TAFA4: variants seen among roughly 807,000 people sequenced by gnomAD.
TAFA4 encodes chemokine-like protein TAFA-4.
A neutral mutation model predicts 21.1 loss-of-function variants in TAFA4; 20 were observed. The observed-to-expected ratio is 0.95, with a 90% CI of 0.67 to 1.38. TAFA4 has a LOEUF of 1.38. Ranked by LOEUF, TAFA4 falls within the 40% of genes most tolerant of loss-of-function variation. The pLI, the probability that TAFA4 is intolerant of heterozygous loss-of-function variation, is 0.00. For missense variants in TAFA4, 211 were observed against 180.9 expected, an observed-to-expected ratio of 1.17 and a Z score of -0.95; for synonymous variants, 71 against 67.4, an observed-to-expected ratio of 1.05 and a Z score of -0.26.
chr3:68,776,718 C>T (rs976037299), intron 3 of TAFA4, among the ~76,000 whole-genome samples: 29 of 152,070 alleles, frequency 1.9e-4, no homozygotes, highest in South Asian at 8.3e-4. Flanking sequence ...ATTTTCAGCA[C>T]GTGTTAAGTT....
At chr3:68,819,615 C>A (rs557454361) in intron 3 of TAFA4, among the ~76,000 whole-genome samples, 1 of 152,234 alleles carries the variant, frequency 6.6e-6, no homozygotes, top group East Asian at 1.9e-4. Flanking sequence ...GTAAGAAAAC[C>A]TATAAGCCTG....
intron 5 of TAFA4, 28 bp from the exon 6 acceptor site, chr3:68,733,181 T>C: frequency 6.2e-7 from 1 of 1,612,632 alleles, no homozygotes; most frequent in Non-Finnish European, 8.5e-7. Context: ...AAGGGAACAT[T>C]CAACACTCTA....
intron 3 of TAFA4, among the ~76,000 whole-genome samples, chr3:68,805,874 G>A (rs1330503716): frequency 6.6e-6 from 1 of 152,024 alleles, no homozygotes; most frequent in Non-Finnish European, 1.5e-5. Context: ...GTTAATGGGT[G>A]CAGCATACCA....
At chr3:68,907,221 A>G (rs2089910498) in intron 1 of TAFA4, among the ~76,000 whole-genome samples, 1 of 152,130 alleles carries the variant, frequency 6.6e-6, no homozygotes, top group Admixed American at 6.5e-5. Context: ...CTCTGCTAAT[A>G]TCCAAAGTAG....
At chr3:68,861,238 C>A (rs905523942) in intron 3 of TAFA4, among the ~76,000 whole-genome samples, 1 of 151,742 alleles carries the variant, frequency 6.6e-6, no homozygotes, top group Non-Finnish European at 1.5e-5. Flanking sequence ...AAGTTACCTG[C>A]GATGAGGGTT....
At chr3:68,733,983 T>C (rs762752193) in intron 5 of TAFA4, among the ~76,000 whole-genome samples, 8 of 151,962 alleles carry the variant, frequency 5.3e-5, no homozygotes, top group Non-Finnish European at 1.0e-4. Context: ...GCTTACCTTC[T>C]AGTGCAGGGA....
chr3:68,900,406 C>T (rs1373389056), intron 1 of TAFA4, among the ~76,000 whole-genome samples: 2 of 151,900 alleles, frequency 1.3e-5, no homozygotes, highest in African/African-American at 2.4e-5. Flanking sequence ...CAGCTTTTTC[C>T]AGCCTTCCTG....
At chr3:68,862,724 T>C (rs752363094) in intron 3 of TAFA4, among the ~76,000 whole-genome samples, 3 of 152,010 alleles carry the variant, frequency 2.0e-5, no homozygotes, top group Admixed American at 1.3e-4. Flanking sequence ...TTAAACCCCC[T>C]TGGGCTGGTA....
At chr3:68,846,858 C>G (rs1484663202) in intron 3 of TAFA4, among the ~76,000 whole-genome samples, 2 of 152,180 alleles carry the variant, frequency 1.3e-5, no homozygotes, top group South Asian at 2.1e-4. Context: ...GGCTGCAGAA[C>G]AGCAAAGATT....
At chr3:68,794,913 C>G (rs932240137) in intron 3 of TAFA4, among the ~76,000 whole-genome samples, 1 of 150,834 alleles carries the variant, frequency 6.6e-6, no homozygotes, top group Non-Finnish European at 1.5e-5. Context: ...GTTGCAGAAC[C>G]AAGAGTAGAT....
chr3:68,913,857 C>A (rs1192028848), intron 1 of TAFA4, among the ~76,000 whole-genome samples: 1 of 152,180 alleles, frequency 6.6e-6, no homozygotes, highest in East Asian at 1.9e-4. Context: ...AGTTTCCTCA[C>A]CTATAAAATG....
intron 3 of TAFA4, among the ~76,000 whole-genome samples, chr3:68,758,172 T>C (rs1400851186): frequency 1.3e-5 from 2 of 152,246 alleles, no homozygotes; most frequent in African/African-American, 4.8e-5. Flanking sequence ...CAGCAAGTCA[T>C]GGGACATAGC....
chr3:68,848,000 A>C (rs760330160), intron 3 of TAFA4, among the ~76,000 whole-genome samples: 16 of 152,372 alleles, frequency 1.1e-4, no homozygotes, highest in Non-Finnish European at 1.6e-4. Context: ...ACTGCTGCTA[A>C]CAGCTATCAC....
intron 3 of TAFA4, among the ~76,000 whole-genome samples, chr3:68,819,067 G>A (rs1704052481): frequency 6.6e-6 from 1 of 152,058 alleles, no homozygotes; most frequent in African/African-American, 2.4e-5. Context: ...AAAGTCAGGA[G>A]CTCAAGACCA....
intron 1 of TAFA4, among the ~76,000 whole-genome samples, chr3:68,891,594 C>T (rs539427245): frequency 3.9e-5 from 6 of 152,238 alleles, no homozygotes; most frequent in South Asian, 4.2e-4. Flanking sequence ...CACCCTAAAG[C>T]GTTTAGATAT....
chr3:68,806,607 C>A lies in TAFA4; in HGVS notation c.131-53589G>T, dbSNP rs140531367. Among the ~76,000 whole-genome samples the A allele has an allele frequency of 3.0e-3, 449 of 152,174 alleles. 2 individuals carry two copies. The highest frequency in any genetic ancestry group is 0.01 in the African/African-American group (428 of 41,518). On this transcript the variant is annotated intron_variant, in intron 3 of 5. Coordinates refer to ENST00000295569, the MANE Select transcript of TAFA4 (RefSeq NM_182522.5). ...TGTAATGGACTAAATCTTTACATCC[C>A]CCACAATTCATATGTTGAAACCCTA...
At chr3:68,871,084 G>A (rs138500675) in intron 3 of TAFA4, among the ~76,000 whole-genome samples, 3,251 of 152,172 alleles carry the variant, frequency 0.021, 122 homozygotes, top group African/African-American at 0.074. Flanking sequence ...GTGGAGAAAT[G>A]GGAATGCTTT....
intron 3 of TAFA4, among the ~76,000 whole-genome samples, chr3:68,790,257 C>A: frequency 6.6e-6 from 1 of 150,900 alleles, no homozygotes; most frequent in Non-Finnish European, 1.5e-5. Context: ...ACATTTTAAG[C>A]CCTAGAGCAA....
At chr3:68,780,861 T>C (rs540168466) in intron 3 of TAFA4, among the ~76,000 whole-genome samples, 1 of 150,560 alleles carries the variant, frequency 6.6e-6, no homozygotes, top group African/African-American at 2.4e-5. Flanking sequence ...TTTAGTACAA[T>C]ATGGAATATT....
Sources: allele counts gnomAD v4.1 joint callset (sites outside exome capture counted in the v4.1 genomes callset), GRCh38; gene constraint gnomAD v4.1.1; transcripts MANE v1.5; gene names NCBI Gene and HGNC (gene_info 2026-07-23, HGNC 2026-07-21).